The following WWOX variants were observed in gnomAD, a reference collection of about 807,000 sequenced individuals.
WWOX encodes WW domain containing oxidoreductase.
WWOX carries 69 observed loss-of-function variants against 46.2 expected under a neutral mutation model. That is an observed-to-expected ratio of 1.49 (90% CI 1.23 to 1.82). WWOX has a LOEUF of 1.82. WWOX is among the 40% of genes most tolerant of loss of function. The pLI, the probability that WWOX is intolerant of heterozygous loss-of-function variation, is 0.00. For missense variants in WWOX, 919 were observed against 542.6 expected, an observed-to-expected ratio of 1.69 and a Z score of -6.89; for synonymous variants, 359 against 202.6, an observed-to-expected ratio of 1.77 and a Z score of -6.56.
intron 8 of WWOX, among the ~76,000 whole-genome samples, chr16:78,938,126 C>A (rs2045779958): frequency 6.6e-6 from 1 of 152,196 alleles, no homozygotes; most frequent in African/African-American, 2.4e-5. Flanking sequence ...CATCTCCTCA[C>A]ATCTGGCGCT....
At chr16:78,980,073 A>G (rs951857589) in intron 8 of WWOX, among the ~76,000 whole-genome samples, 1 of 152,242 alleles carries the variant, frequency 6.6e-6, no homozygotes, top group Non-Finnish European at 1.5e-5. Flanking sequence ...GGTTGTAGTA[A>G]GCTGAGATTG....
intron 5 of WWOX, among the ~76,000 whole-genome samples, chr16:78,360,343 T>G (rs2081383212): frequency 6.6e-6 from 1 of 152,152 alleles, no homozygotes; most frequent in African/African-American, 2.4e-5. Flanking sequence ...CCCAGCACTT[T>G]GGGAGGCCGA....
In WWOX at chr16:78,508,310, CTTTTTTTTTTTTTT is replaced by C. The variant is rs60281450; in HGVS notation, c.1056+75575_1056+75588del. Among the ~76,000 whole-genome samples, 1,087 of 112,788 alleles carry C rather than the reference CTTTTTTTTTTTTTT, an allele frequency of 9.6e-3. 16 individuals carry two copies. Among genetic ancestry groups the C allele is most frequent in the African/African-American group, 0.022 (513 of 23,442 alleles). The allele number at this position is 112,788 out of a possible 152,430, so 74.0% of individuals were successfully genotyped here. On this transcript the variant is annotated intron_variant, in intron 8 of 8. Transcript: ENST00000566780. ...ATAGGCGTGAGCCACTGCGCCCGGC[CTTTTTTTTTTTTTT>C]TTTTTTTTTTTTTTTTAACGCTCAT...
Position 78,431,119 on chromosome 16 carries a change from A to G in WWOX, c.792-1369A>G, listed in dbSNP as rs79061663. On this transcript the variant is annotated intron_variant, in intron 7 of 8. Coordinates refer to ENST00000566780, the MANE Select transcript of WWOX (RefSeq NM_016373.4). ...TGTGATCCATTTTGTAAGGGAAGTC[A>G]CTATAATGTTGTTATTTAAGAGAAA... Among the ~76,000 whole-genome samples, 216 of 152,340 alleles carry G rather than the reference A, an allele frequency of 1.4e-3. 2 individuals carry two copies. The East Asian group carries it at 0.025, about 18-fold the overall frequency.
intron 8 of WWOX, among the ~76,000 whole-genome samples, chr16:78,795,805 A>G (rs1253608167): frequency 6.6e-6 from 1 of 152,168 alleles, no homozygotes; most frequent in Non-Finnish European, 1.5e-5. Flanking sequence ...ATGGAATGAG[A>G]TATTGAGTAT....
At chr16:78,460,672 C>G (rs1160087058) in intron 8 of WWOX, among the ~76,000 whole-genome samples, 1 of 152,190 alleles carries the variant, frequency 6.6e-6, no homozygotes, top group Admixed American at 6.5e-5. Context: ...CTGCTGTGTC[C>G]TTGCTTTTGA....
At chr16:78,431,463 A>C (rs1056761253) in intron 7 of WWOX, among the ~76,000 whole-genome samples, 1 of 152,214 alleles carries the variant, frequency 6.6e-6, no homozygotes, top group African/African-American at 2.4e-5. Context: ...GCATTAGCTA[A>C]AATAATCCAG....
intron 8 of WWOX, among the ~76,000 whole-genome samples, chr16:78,450,241 T>G (rs1042439876): frequency 2.0e-5 from 3 of 152,178 alleles, no homozygotes; most frequent in African/African-American, 7.2e-5. Context: ...TTGAACCACT[T>G]TAAACATTGC....
chr16:78,853,934 A>G (rs771231159), intron 8 of WWOX, among the ~76,000 whole-genome samples: 1 of 152,242 alleles, frequency 6.6e-6, no homozygotes, highest in Non-Finnish European at 1.5e-5. Flanking sequence ...TATCATGGAT[A>G]CAAACATATG....
At chr16:79,049,800 A>C (rs1490129949) in intron 8 of WWOX, among the ~76,000 whole-genome samples, 1 of 150,026 alleles carries the variant, frequency 6.7e-6, no homozygotes, top group African/African-American at 2.5e-5. Flanking sequence ...ATCCCACCGC[A>C]CACCAGCCTG....
chr16:78,324,536 T>G (rs2151886585), intron 5 of WWOX, among the ~76,000 whole-genome samples: 1 of 152,212 alleles, frequency 6.6e-6, no homozygotes, highest in South Asian at 2.1e-4. Flanking sequence ...AACCCTAATG[T>G]CCATCAATGG....
chr16:78,575,571 C>A (rs924091853), intron 8 of WWOX, among the ~76,000 whole-genome samples: 1 of 152,098 alleles, frequency 6.6e-6, no homozygotes, highest in Non-Finnish European at 1.5e-5. Flanking sequence ...GGCATTGGAT[C>A]TCCCACATGC....
In WWOX at chr16:79,182,218, A is replaced by G. The variant is rs184895693; in HGVS notation, c.1057-29390A>G. Among the ~76,000 whole-genome samples the G allele has an allele frequency of 3.1e-3, 467 of 151,808 alleles. 3 individuals carry two copies. Among genetic ancestry groups the G allele is most frequent in the African/African-American group, 0.01 (434 of 41,386 alleles). ...ATGCCCTGTGTCACCTGACTCAGGC[A>G]CCATTAGCATCTGGGGCTGTACACG... is the stretch of plus-strand genomic sequence containing the variant. On this transcript the variant is annotated intron_variant, in intron 8 of 8. Transcript: ENST00000566780.
intron 8 of WWOX, among the ~76,000 whole-genome samples, chr16:79,085,702 A>G (rs1461105922): frequency 1.3e-5 from 2 of 152,110 alleles, no homozygotes; most frequent in Non-Finnish European, 2.9e-5. Context: ...TTTATTCCTT[A>G]CCAAAACCAG....
rs1339075782 is a variant in WWOX, at chr16:78,337,910, C to A, written c.517-48950C>A. ...AGCGCCCTCTCTGTTCCTGGCAGTG[C>A]CTGTCCTGCTAACCTCGTGTCTCTT... On this transcript the variant is annotated intron_variant, in intron 5 of 8. Coordinates refer to ENST00000566780, the MANE Select transcript of WWOX (RefSeq NM_016373.4). Among the ~76,000 whole-genome samples the A allele has an allele frequency of 1.7e-5, 2 of 114,646 alleles. 1 individual carries two copies. The highest frequency in any genetic ancestry group is 5.9e-5 in the African/African-American group (2 of 33,682). The allele number at this position is 114,646 out of a possible 152,430, so 75.2% of individuals were successfully genotyped here.
In WWOX at chr16:78,601,194, C is replaced by G. The variant is rs537706757; in HGVS notation, c.1056+168442C>G. ...CCACTCATATAGAACTCCTTTATCACCAAGATTCCTTTCTTCTTCAGTGCC... is the reference window on the plus strand; with the variant it reads ...CCACTCATATAGAACTCCTTTATCAGCAAGATTCCTTTCTTCTTCAGTGCC... On this transcript the variant is annotated intron_variant, in intron 8 of 8. Coordinates refer to ENST00000566780, the MANE Select transcript of WWOX (RefSeq NM_016373.4). 2.8e-3 allele frequency among the ~76,000 whole-genome samples: 430 copies of G among 152,312 alleles called. 2 individuals are homozygous for G. The highest frequency in any genetic ancestry group is 9.8e-3 in the African/African-American group (409 of 41,554).
At chr16:78,507,998 G>A (rs1291863340) in intron 8 of WWOX, among the ~76,000 whole-genome samples, 1 of 11,648 alleles carries the variant, frequency 8.6e-5, no homozygotes, top group South Asian at 5.1e-3. Context: ...GGTTGCGTGC[G>A]TGTGTGTGTG....
intron 6 of WWOX, among the ~76,000 whole-genome samples, chr16:78,416,813 C>T (rs929182060): frequency 8.5e-5 from 13 of 152,172 alleles, no homozygotes; most frequent in African/African-American, 3.1e-4. Flanking sequence ...AGCTGGCAGG[C>T]CAGCAAGATA....
intron 8 of WWOX, among the ~76,000 whole-genome samples, chr16:78,947,672 C>G (rs2045976034): frequency 6.6e-6 from 1 of 152,138 alleles, no homozygotes; most frequent in Non-Finnish European, 1.5e-5. Flanking sequence ...TTGCATTGTT[C>G]AATAAAGCAA....
Sources: gnomAD v4.1 joint callset for allele counts (sites outside exome capture counted in the v4.1 genomes callset) on GRCh38, gnomAD v4.1.1 for gene constraint, MANE v1.5 for transcripts, NCBI Gene and HGNC (gene_info 2026-07-23, HGNC 2026-07-21) for gene names.